Variants in PMM2 observed in about 807,000 individuals in gnomAD.
PMM2 encodes mannose-6-phosphate isomerase.
A neutral mutation model predicts 33.2 loss-of-function variants in PMM2; 35 were observed. The ratio of observed to expected loss-of-function variants is 1.06; its 90% CI spans 0.81 to 1.40. The LOEUF (loss-of-function observed/expected upper bound fraction) is 1.40. Ranked by LOEUF, PMM2 falls within the 40% of genes most tolerant of loss-of-function variation. The probability of loss-of-function intolerance (pLI) is 0.00; values close to 1 mark genes in which losing one functional copy is unlikely to be tolerated. For missense variants in PMM2, 386 were observed against 306.0 expected, an observed-to-expected ratio of 1.26 and a Z score of -1.95; for synonymous variants, 153 against 114.7, an observed-to-expected ratio of 1.33 and a Z score of -2.13.
intron 7 of PMM2, among the ~76,000 whole-genome samples, chr16:8,830,139 T>C (rs1204861516): frequency 6.6e-6 from 1 of 152,200 alleles, no homozygotes; most frequent in African/African-American, 2.4e-5. Context: ...TTAGTAGAGA[T>C]GGTGCCAGTG....
rs548732618 is a variant in PMM2, at chr16:8,848,317, C to G, written c.*492C>G. ...AGCCCAGGACGAAGTTTACAAACAC[C>G]TCCTGGAACGAAGCTCCCGCCTGCA... On this transcript the variant is annotated 3_prime_UTR_variant, in exon 8 of 8. Transcript: ENST00000268261. 578 of 186,160 alleles carry G rather than the reference C, an allele frequency of 3.1e-3. 5 individuals are homozygous for G. The highest frequency in any genetic ancestry group is 3.8e-3 in the Non-Finnish European group (330 of 87,326). 11.5% of individuals were successfully genotyped at this position (186,160 alleles called of 1,614,324 possible).
At chr16:8,813,174 G>A in intron 7 of PMM2, 68 bp downstream of exon 7, 1 of 1,015,480 alleles carries the variant, frequency 9.8e-7, no homozygotes, top group Admixed American at 1.7e-5. Flanking sequence ...TTGACAACTG[G>A]GCTGTTTTTC....
At chr16:8,825,531 G>C (rs558907427) in intron 7 of PMM2, among the ~76,000 whole-genome samples, 12 of 152,056 alleles carry the variant, frequency 7.9e-5, no homozygotes, top group Admixed American at 3.3e-4. Context: ...ATGTTGGCCA[G>C]GCTGGTCTTG....
intron 7 of PMM2, among the ~76,000 whole-genome samples, chr16:8,833,356 T>C (rs1049431304): frequency 6.6e-6 from 1 of 152,188 alleles, no homozygotes; most frequent in African/African-American, 2.4e-5. Context: ...TGGGATGTCA[T>C]CAGTTAAGGC....
intron 7 of PMM2, chr16:8,833,057 G>A (rs1215998892): frequency 3.6e-6 from 1 of 275,310 alleles, no homozygotes; most frequent in Non-Finnish European, 5.5e-6. Context: ...GCGCGTCCGT[G>A]TGAAGAGACC....
intron 7 of PMM2, among the ~76,000 whole-genome samples, chr16:8,818,201 G>T (rs373753127): frequency 1.4e-5 from 2 of 143,324 alleles, no homozygotes; most frequent in African/African-American, 4.9e-5. Flanking sequence ...TGCGCCTGGC[G>T]CAAAGAAGAT....
chr16:8,846,295 C>G (rs369046160), intron 7 of PMM2, among the ~76,000 whole-genome samples: 10 of 152,150 alleles, frequency 6.6e-5, no homozygotes, highest in African/African-American at 2.4e-4. Context: ...ATTTTTGGTA[C>G]AAAATCATGG....
intron 7 of PMM2, among the ~76,000 whole-genome samples, chr16:8,821,644 G>A (rs1339659486): frequency 6.6e-6 from 1 of 152,240 alleles, no homozygotes; most frequent in Non-Finnish European, 1.5e-5. Flanking sequence ...GGTGAAATGA[G>A]AGGGCTGTGC....
intron 2 of PMM2, 101 bp downstream of exon 2, chr16:8,802,011 G>A (rs1479418372): frequency 1.1e-5 from 9 of 825,660 alleles, no homozygotes; most frequent in South Asian, 8.6e-5. Context: ...GTCCCCATAT[G>A]GCGGGCTTTC....
In PMM2 at chr16:8,848,056, T is replaced by G. The variant is rs2060939966; in HGVS notation, c.*231T>G. The G allele has an allele frequency of 3.7e-6, 2 of 539,714 alleles. No homozygotes were observed. Among genetic ancestry groups the G allele is most frequent in the Non-Finnish European group, 6.7e-6 (2 of 297,386 alleles). The allele number at this position is 539,714 out of a possible 1,614,324, so 33.4% of individuals were successfully genotyped here. ...AGAGGAATGCCTCGCACAAAAGGTC[T>G]TCCCCACCCACCCCCAGCCCCCTAG... On this transcript the variant is annotated 3_prime_UTR_variant, in exon 8 of 8. Transcript: ENST00000268261.
At chr16:8,843,939 TGA>T (rs1460914374) in intron 7 of PMM2, among the ~76,000 whole-genome samples, 10 of 152,118 alleles carry the variant, frequency 6.6e-5, no homozygotes, top group South Asian at 6.2e-4. Flanking sequence ...GGGTTGGGAC[TGA>T]GGGGACAGGC....
At chr16:8,818,203 AAAG>A (rs59058561) in intron 7 of PMM2, among the ~76,000 whole-genome samples, 32,642 of 152,144 alleles carry the variant, frequency 0.21, 4,044 homozygotes, top group South Asian at 0.33. Context: ...CGCCTGGCGC[AAAG>A]AAGATTTTTA....
chr16:8,838,717 G>T (rs1204842597), intron 7 of PMM2, among the ~76,000 whole-genome samples: 3 of 152,026 alleles, frequency 2.0e-5, no homozygotes, highest in African/African-American at 7.2e-5. Context: ...GGAGAAAAAT[G>T]GGTATTAAAG....
chr16:8,802,130 A>C, intron 2 of PMM2: 2 of 536,178 alleles, frequency 3.7e-6, no homozygotes, highest in South Asian at 1.5e-5. Context: ...ATGTGTGAGT[A>C]GATTCACCTA....
chr16:8,804,124 T>G (rs1430295877), intron 2 of PMM2, among the ~76,000 whole-genome samples: 3 of 142,964 alleles, frequency 2.1e-5, no homozygotes, highest in Non-Finnish European at 4.5e-5. Flanking sequence ...CTGAACCCTC[T>G]GCCTCCTGGG....
intron 4 of PMM2, among the ~76,000 whole-genome samples, chr16:8,807,389 C>T (rs1383822211): frequency 3.3e-5 from 5 of 152,270 alleles, no homozygotes; most frequent in Middle Eastern, 3.4e-3. Context: ...AGTTCCCTGC[C>T]GGCAGGTGCC....
intron 2 of PMM2, among the ~76,000 whole-genome samples, chr16:8,803,356 C>G (rs2060626745): frequency 6.6e-6 from 1 of 152,210 alleles, no homozygotes; most frequent in South Asian, 2.1e-4. Context: ...GTTACCTGCT[C>G]ATGATCGCCC....
rs181338554 is a variant in PMM2, at chr16:8,821,927, G to A, written c.639+8821G>A. Reference sequence around the variant, plus strand: ...ACTGCTCTACGCCATTTCAGAGCAGGCTCTTGTCTCATTGGCCCTGTAACT... The same window carrying A: ...ACTGCTCTACGCCATTTCAGAGCAGACTCTTGTCTCATTGGCCCTGTAACT... On this transcript the variant is annotated intron_variant, in intron 7 of 7. Coordinates refer to ENST00000268261, the MANE Select transcript of PMM2 (RefSeq NM_000303.3). Among the ~76,000 whole-genome samples, 5 of 152,308 alleles carry A rather than the reference G, an allele frequency of 3.3e-5. No individual in the cohort carries two copies. The East Asian group carries it at 9.6e-4, about 29-fold the overall frequency.
chr16:8,813,906 G>T (rs926302234), intron 7 of PMM2, among the ~76,000 whole-genome samples: 1 of 131,440 alleles, frequency 7.6e-6, no homozygotes. Flanking sequence ...TCGCTCTGTT[G>T]CCCAGGCTGG....
Sources: allele counts gnomAD v4.1 joint callset (sites outside exome capture counted in the v4.1 genomes callset), GRCh38; gene constraint gnomAD v4.1.1; transcripts MANE v1.5; gene names NCBI Gene and HGNC (gene_info 2026-07-23, HGNC 2026-07-21).